Variants in CLCN4 observed in about 807,000 individuals in gnomAD.
CLCN4 encodes the protein H(+)/Cl(-) exchange transporter 4.
CLCN4 carries 1 observed loss-of-function variant against 41.7 expected under a neutral mutation model. The ratio of observed to expected loss-of-function variants is 0.02; its 90% confidence interval spans 0.01 to 0.11. CLCN4 has a LOEUF of 0.11. Among genes scored for constraint, CLCN4 ranks in the 10% least tolerant of loss-of-function variants. The probability of loss-of-function intolerance (pLI) is 1.00; values close to 1 mark genes in which losing one functional copy is unlikely to be tolerated. For missense variants in CLCN4, 287 were observed against 661.0 expected (o/e 0.43, Z 6.20); for synonymous variants, 277 against 285.8 (o/e 0.97, Z 0.31).
At chrX:10,158,110 A>G (rs763411724) in intron 1 of CLCN4, among the ~76,000 whole-genome samples, 179 bp from the exon 2 acceptor site, 94 of 113,135 alleles carry the variant, frequency 8.3e-4, no homozygotes, top group Middle Eastern at 9.1e-3. Context: ...TTTGCACAAA[A>G]TGTTTATTTC....
rs188933383 is a variant in CLCN4, at chrX:10,208,626, A to G, written c.1389+36A>G. Reference sequence around the variant, plus strand: ...GGGAAGGAAGATGGGGTGGGGACCCATGTCCTTCTGGGGACAGCACCCTAC... The same window carrying G: ...GGGAAGGAAGATGGGGTGGGGACCCGTGTCCTTCTGGGGACAGCACCCTAC... On this transcript the variant is annotated intron_variant, in intron 9 of 12. Coordinates refer to ENST00000380833, the MANE Select transcript of CLCN4 (RefSeq NM_001830.4). The G allele has an allele frequency of 4.8e-5, 55 of 1,138,908 alleles. No homozygotes were observed. The African/African-American group carries it at 9.3e-4, about 19-fold the overall frequency. 93.9% of individuals were successfully genotyped at this position (1,138,908 alleles called of 1,213,427 possible). A position where few individuals can be genotyped will look rare whatever the true frequency, so the allele number is the denominator to read the frequency against.
intron 11 of CLCN4, among the ~76,000 whole-genome samples, chrX:10,220,222 TAA>T (rs1412721246): frequency 1.8e-5 from 2 of 111,991 alleles, no homozygotes; most frequent in Admixed American, 1.9e-4. Flanking sequence ...GGGCCAGTTA[TAA>T]GTTAGTTCGT....
chrX:10,190,046 G>A lies in CLCN4; in HGVS notation c.244+2432G>A, dbSNP rs1243472361. Among the ~76,000 whole-genome samples, 4 of 111,160 alleles carry A rather than the reference G, an allele frequency of 3.6e-5. No individual in the cohort carries two copies. In the East Asian group the frequency reaches 1.1e-3, roughly 31 times the overall value. Reference sequence around the variant, plus strand: ...AAATAAAACCAGTGTCATAGAAACAGAGTAGAAAGGTGGCTGCTAGAGGGA... The same window carrying A: ...AAATAAAACCAGTGTCATAGAAACAAAGTAGAAAGGTGGCTGCTAGAGGGA... On this transcript the variant is annotated intron_variant, in intron 4 of 12. Coordinates refer to ENST00000380833, the MANE Select transcript of CLCN4 (RefSeq NM_001830.4).
chrX:10,197,965 C>T lies in CLCN4; in HGVS notation c.459C>T (p.Tyr153=). 1.7e-6 allele frequency: 2 copies of T among 1,210,708 alleles called. No homozygotes were observed. Among genetic ancestry groups the T allele is most frequent in the Non-Finnish European group, 2.2e-6 (2 of 894,920 alleles). Reference sequence around the variant, plus strand: ...GTGCCAGTGCTTACATTCTGAATTACTTAATGTACATCCTATGGGCGCTGC... The same window carrying T: ...GTGCCAGTGCTTACATTCTGAATTATTTAATGTACATCCTATGGGCGCTGC... The part of the protein sequence containing the change: ...SEGASAYILN[Y]LMYILWALLF... Residue 153 remains tyrosine (Y), a synonymous_variant, in exon 6 of 13, where the codon TAC becomes TAT. Coordinates refer to ENST00000380833, the MANE Select transcript of CLCN4 (RefSeq NM_001830.4).
chrX:10,189,169 A>G (rs1032770298), intron 4 of CLCN4, among the ~76,000 whole-genome samples: 2 of 111,794 alleles, frequency 1.8e-5, no homozygotes, highest in Admixed American at 9.5e-5. Context: ...AGATTGATAA[A>G]ACCTTATAGT....
intron 2 of CLCN4, among the ~76,000 whole-genome samples, chrX:10,174,438 T>C: frequency 8.9e-6 from 1 of 112,850 alleles, no homozygotes; most frequent in East Asian, 2.8e-4. Flanking sequence ...AGTCCTCCGC[T>C]GACCCTTCAC....
chrX:10,230,213 C>T (rs1211611306), intron 12 of CLCN4, among the ~76,000 whole-genome samples: 2 of 111,692 alleles, frequency 1.8e-5, no homozygotes, highest in Non-Finnish European at 3.8e-5. Flanking sequence ...TGGGTTGTCT[C>T]TTCACTTTGT....
chrX:10,206,878 G>A, intron 8 of CLCN4, 102 bp downstream of exon 8: 1 of 559,250 alleles, frequency 1.8e-6, no homozygotes, highest in South Asian at 4.3e-5. Context: ...GTTAATTAAG[G>A]AGCCACAATT....
chrX:10,178,544 T>C (rs1923592081), intron 2 of CLCN4, among the ~76,000 whole-genome samples: 1 of 112,152 alleles, frequency 8.9e-6, no homozygotes, highest in Non-Finnish European at 1.9e-5. Flanking sequence ...CATGGGCATG[T>C]TAATTTTGCT....
chrX:10,181,951 G>A (rs1462888664), intron 2 of CLCN4, among the ~76,000 whole-genome samples: 1 of 111,978 alleles, frequency 8.9e-6, no homozygotes, highest in Non-Finnish European at 1.9e-5. Context: ...GATTCCTTGG[G>A]GTCTTCATGC....
At chrX:10,176,771 A>G (rs764003814) in intron 2 of CLCN4, among the ~76,000 whole-genome samples, 2 of 112,308 alleles carry the variant, frequency 1.8e-5, no homozygotes, top group South Asian at 7.3e-4. Context: ...ATAATCTGAC[A>G]TGGTCTGATT....
At chrX:10,160,114 T>C (rs1923053878) in intron 2 of CLCN4, among the ~76,000 whole-genome samples, 1 of 108,758 alleles carries the variant, frequency 9.2e-6, no homozygotes, top group South Asian at 4.1e-4. Context: ...CCCCCAGTTG[T>C]GACAATCAAA....
In CLCN4 at chrX:10,157,068, T is replaced by A; in HGVS notation, c.-307T>A. 2 of 297,968 alleles carry A rather than the reference T, an allele frequency of 6.7e-6. No individual in the cohort carries two copies. Among genetic ancestry groups the A allele is most frequent in the Non-Finnish European group, 1.2e-5 (2 of 170,344 alleles). 24.6% of individuals were successfully genotyped at this position (297,968 alleles called of 1,213,427 possible). A position where few individuals can be genotyped will look rare whatever the true frequency, so the allele number is the denominator to read the frequency against. On this transcript the variant is annotated 5_prime_UTR_variant, in exon 1 of 13. Transcript: ENST00000380833. ...AAAGGAGCAGGAGATTTCGGTAGCG[T>A]TTTAACTTTATCTCAGAATCTGAAA...
chrX:10,165,903 C>T (rs1375594109), intron 2 of CLCN4, among the ~76,000 whole-genome samples: 2 of 112,022 alleles, frequency 1.8e-5, no homozygotes, highest in Non-Finnish European at 3.8e-5. Context: ...CCGTGGCGTC[C>T]CGGGCCACCA....
chrX:10,169,321 A>T (rs5933813), intron 2 of CLCN4, among the ~76,000 whole-genome samples: 39,433 of 110,652 alleles, frequency 0.36, 5,710 homozygotes, highest in African/African-American at 0.54. Flanking sequence ...TGTTGGGCTG[A>T]TAAGAAACCG....
At chrX:10,227,648 C>T (rs903279195) in intron 12 of CLCN4, among the ~76,000 whole-genome samples, 1 of 111,658 alleles carries the variant, frequency 9.0e-6, no homozygotes, top group East Asian at 2.8e-4. Flanking sequence ...AACCCCACAC[C>T]CCTTAGCTGT....
Position 10,187,562 on chromosome X carries a change from G to C in CLCN4, c.192G>C (p.Leu64=). 1 of 1,211,679 alleles carries C rather than the reference G, an allele frequency of 8.3e-7. No homozygotes were observed. Among genetic ancestry groups the C allele is most frequent in the Non-Finnish European group, 1.1e-6 (1 of 895,237 alleles). Residue 64 remains leucine (L), a synonymous_variant, in exon 4 of 13, where the codon CTG becomes CTC. Coordinates refer to ENST00000380833, the MANE Select transcript of CLCN4 (RefSeq NM_001830.4). ...CCATATGGGAGTTCATCAAGAGCCTGCTGGATGCCTGGTCGGGATGGGTGG... is the reference window on the plus strand; with the variant it reads ...CCATATGGGAGTTCATCAAGAGCCTCCTGGATGCCTGGTCGGGATGGGTGG... The part of the protein sequence containing the change: ...KESIWEFIKS[L]LDAWSGWVVM...
rs772983564 is a variant in CLCN4 at position 10,224,293 on chromosome X, C to CGTGTGTGTGTGTGTGT, written c.2192+3441_2192+3456dup. 5.6e-3 allele frequency among the ~76,000 whole-genome samples: 491 copies of CGTGTGTGTGTGTGTGT among 87,885 alleles called. 10 individuals are homozygous for CGTGTGTGTGTGTGTGT. Among genetic ancestry groups the CGTGTGTGTGTGTGTGT allele is most frequent in the African/African-American group, 0.02 (460 of 23,256 alleles). 76.3% of individuals were successfully genotyped at this position (87,885 alleles called of 115,157 possible). On this transcript the variant is annotated intron_variant, in intron 12 of 12. Coordinates refer to ENST00000380833, the MANE Select transcript of CLCN4 (RefSeq NM_001830.4). ...AGGATTTATAGATATGGGAGGGTTCCGTGTGTGTGTGTGTGTGTGTGTGTG... is the reference window on the plus strand; with the variant it reads ...AGGATTTATAGATATGGGAGGGTTCCGTGTGTGTGTGTGTGTGTGTGTGTGTGTGTGTGTGTGTGTG...
chrX:10,208,407 C>T lies in CLCN4; in HGVS notation c.1206C>T (p.Phe402=), dbSNP rs914589687. The change falls in exon 9 of 13, where the codon TTC becomes TTT. Residue 402 remains phenylalanine (F), a synonymous_variant. Coordinates refer to ENST00000380833, the MANE Select transcript of CLCN4 (RefSeq NM_001830.4). The part of the protein sequence containing the change: ...QSTSELISEL[F]NDCGALESSQ... ...CCAGCGAGCTCATTTCTGAGCTGTT[C>T]AATGACTGTGGAGCCCTTGAGTCTT... 8.3e-7 allele frequency: 1 copy of T among 1,211,431 alleles called. No individual in the cohort carries two copies. The highest frequency in any genetic ancestry group is 2.2e-5 in the Admixed American group (1 of 45,984).
Sources: gnomAD v4.1 joint callset for allele counts (sites outside exome capture counted in the v4.1 genomes callset) on GRCh38, gnomAD v4.1.1 for gene constraint, MANE v1.5 for transcripts, NCBI Gene and HGNC (gene_info 2026-07-23, HGNC 2026-07-21) for gene names.